Variants in MDGA2 observed in about 807,000 individuals in gnomAD.
MDGA2 encodes MAM domain-containing glycosylphosphatidylinositol anchor protein 2.
In MDGA2, 40 loss-of-function variants were observed where a neutral mutation model predicts 117.8. That is an observed-to-expected ratio of 0.34 (90% CI 0.26 to 0.44). The LOEUF (loss-of-function observed/expected upper bound fraction) is 0.44. Ranked by LOEUF, MDGA2 falls within the 20% of genes least tolerant of loss-of-function variation. The pLI, the probability that MDGA2 is intolerant of heterozygous loss-of-function variation, is 1.00. For missense variants in MDGA2, 1,123 were observed against 1,250.6 expected (o/e 0.90, Z 1.54); for synonymous variants, 452 against 439.0 (o/e 1.03, Z -0.37).
chr14:47,052,289 T>C (rs1889487267), intron 7 of MDGA2, among the ~76,000 whole-genome samples: 1 of 151,880 alleles, frequency 6.6e-6, no homozygotes, highest in Non-Finnish European at 1.5e-5. Context: ...GATCTGCTCT[T>C]GCTTTCCTAT....
intron 8 of MDGA2, among the ~76,000 whole-genome samples, chr14:47,027,773 A>G (rs1404135088): frequency 1.3e-5 from 2 of 151,964 alleles, no homozygotes; most frequent in Non-Finnish European, 2.9e-5. Flanking sequence ...TATAGAGAGC[A>G]AGGAAAACGC....
intron 1 of MDGA2, among the ~76,000 whole-genome samples, chr14:47,494,495 C>G (rs1894237577): frequency 6.6e-6 from 1 of 152,102 alleles, no homozygotes; most frequent in Non-Finnish European, 1.5e-5. Context: ...TCTGTTTATT[C>G]TGATGATTAT....
rs1217067638 is a variant in MDGA2 at position 47,143,996 on chromosome 14, C to T, written c.792+82G>A. On this transcript the variant is annotated intron_variant, in intron 4 of 16. Transcript: ENST00000399232. ...GGCCAGAATAGAGAAACTATCTTTT[C>T]AAATAGCTATGAATTCATGCTGCCT... The T allele has an allele frequency of 3.8e-6, 4 of 1,048,138 alleles. No homozygotes were observed. The East Asian group carries it at 1.1e-4, about 30-fold the overall frequency. 64.9% of individuals were successfully genotyped at this position (1,048,138 alleles called of 1,614,324 possible).
At chr14:46,860,443 T>G (rs1848559186) in intron 14 of MDGA2, among the ~76,000 whole-genome samples, 1 of 152,168 alleles carries the variant, frequency 6.6e-6, no homozygotes, top group African/African-American at 2.4e-5. Context: ...CTTTTTTTTA[T>G]AAGGCTGAAT....
chr14:47,111,112 C>T (rs2139055072), intron 5 of MDGA2, among the ~76,000 whole-genome samples: 1 of 152,090 alleles, frequency 6.6e-6, no homozygotes, highest in African/African-American at 2.4e-5. Flanking sequence ...TCTCCAAAAG[C>T]TTTGCATACA....
At chr14:47,178,342 G>A (rs1046089444) in intron 3 of MDGA2, among the ~76,000 whole-genome samples, 3 of 152,092 alleles carry the variant, frequency 2.0e-5, no homozygotes, top group Admixed American at 2.0e-4. Flanking sequence ...ACTCGGTCGA[G>A]GGCCACAAGG....
At chr14:47,577,889 A>G (rs543145871) in intron 1 of MDGA2, among the ~76,000 whole-genome samples, 100 of 152,332 alleles carry the variant, frequency 6.6e-4, no homozygotes, top group Non-Finnish European at 1.3e-4. Flanking sequence ...AGAACCAGAA[A>G]TACCATTTGA....
At chr14:47,489,498 A>T (rs1189142057) in intron 1 of MDGA2, among the ~76,000 whole-genome samples, 1 of 151,916 alleles carries the variant, frequency 6.6e-6, no homozygotes, top group Non-Finnish European at 1.5e-5. Context: ...TCTGCTCCCC[A>T]TTTATTTGGG....
intron 1 of MDGA2, among the ~76,000 whole-genome samples, chr14:47,543,834 C>A (rs535861156): frequency 2.7e-4 from 41 of 152,180 alleles, no homozygotes; most frequent in Admixed American, 9.8e-4. Context: ...GTCCAGTGAG[C>A]TTTCTAAGTA....
intron 8 of MDGA2, among the ~76,000 whole-genome samples, chr14:47,028,260 T>C (rs531357819): frequency 2.0e-4 from 30 of 152,232 alleles, no homozygotes; most frequent in African/African-American, 6.7e-4. Context: ...ATAGAGTCTT[T>C]GGAATAATCT....
At chr14:47,375,348 G>T (rs1275374543) in intron 1 of MDGA2, among the ~76,000 whole-genome samples, 1 of 151,706 alleles carries the variant, frequency 6.6e-6, no homozygotes, top group South Asian at 2.1e-4. Flanking sequence ...CCCACTTAAC[G>T]TCTTCACTCC....
chr14:47,589,222 T>C (rs140415400), intron 1 of MDGA2, among the ~76,000 whole-genome samples: 177 of 152,134 alleles, frequency 1.2e-3, no homozygotes, highest in African/African-American at 4.0e-3. Context: ...TTGTCACTTA[T>C]GCTTTTGATG....
chr14:47,388,601 T>C (rs2138432453), intron 1 of MDGA2, among the ~76,000 whole-genome samples: 1 of 152,286 alleles, frequency 6.6e-6, no homozygotes, highest in South Asian at 2.1e-4. Context: ...GATTCTCTTT[T>C]TCTCAGGATA....
intron 6 of MDGA2, among the ~76,000 whole-genome samples, chr14:47,062,499 CTTTT>C (rs5808374): frequency 1.4e-5 from 2 of 145,600 alleles, no homozygotes; most frequent in Admixed American, 6.9e-5. Flanking sequence ...ACAGATTTTT[CTTTT>C]TTTTTTTTTT....
At chr14:47,013,578 A>G (rs1018584835) in intron 8 of MDGA2, among the ~76,000 whole-genome samples, 4 of 151,610 alleles carry the variant, frequency 2.6e-5, no homozygotes, top group African/African-American at 9.7e-5. Flanking sequence ...TCTTAATGAC[A>G]TCTAGAATGG....
chr14:47,505,999 A>G lies in MDGA2; in HGVS notation c.280+168518T>C, dbSNP rs1894503514. ...CACAGGTCCTATTCTCTGTGGACAA[A>G]AAGTTTGTAGGAGAGATAAGACATG... On this transcript the variant is annotated intron_variant, in intron 1 of 16. Transcript: ENST00000399232. 2.0e-5 allele frequency among the ~76,000 whole-genome samples: 3 copies of G among 152,308 alleles called. No individual in the cohort carries two copies. The East Asian group carries it at 5.8e-4, about 29-fold the overall frequency.
At chr14:46,913,444 C>T (rs1883781739) in intron 10 of MDGA2, among the ~76,000 whole-genome samples, 1 of 151,984 alleles carries the variant, frequency 6.6e-6, no homozygotes, top group African/African-American at 2.4e-5. Context: ...TGGGCTAAGT[C>T]AAGCACAAAA....
At chr14:47,339,526 G>C (rs1384708109) in intron 1 of MDGA2, among the ~76,000 whole-genome samples, 2 of 151,996 alleles carry the variant, frequency 1.3e-5, no homozygotes, top group Non-Finnish European at 2.9e-5. Flanking sequence ...GATGTAATGA[G>C]TGAGTTCTTG....
chr14:46,950,429 A>G (rs1342017700), intron 9 of MDGA2, among the ~76,000 whole-genome samples: 5 of 152,008 alleles, frequency 3.3e-5, no homozygotes, highest in Admixed American at 1.3e-4. Context: ...GATGATAAGG[A>G]TATGTATGGA....
Sources: gnomAD v4.1 joint callset for allele counts (sites outside exome capture counted in the v4.1 genomes callset) on GRCh38, gnomAD v4.1.1 for gene constraint, MANE v1.5 for transcripts, NCBI Gene and HGNC (gene_info 2026-07-23, HGNC 2026-07-21) for gene names.